The following CC2D2A variants were observed in gnomAD, a reference collection of about 807,000 sequenced individuals.
The protein encoded by CC2D2A is coiled-coil and C2 domain-containing protein 2A.
In CC2D2A, 155 loss-of-function variants were observed where a neutral mutation model predicts 212.9. The observed-to-expected ratio is 0.73, with a 90% CI of 0.64 to 0.83. CC2D2A has a LOEUF of 0.83. Among genes scored for constraint, CC2D2A ranks in the 40% least tolerant of loss-of-function variants. The probability of loss-of-function intolerance (pLI) is 0.00; values close to 1 mark genes in which losing one functional copy is unlikely to be tolerated. For synonymous variants in CC2D2A, 667 were observed against 686.5 expected (o/e 0.97, Z 0.44); for missense variants, 1,856 against 1,956.2 (o/e 0.95, Z 0.97).
chr4:15,510,058 G>C (rs968613721), intron 6 of CC2D2A, 81 bp from the exon 7 acceptor site: 1 of 999,842 alleles, frequency 1.0e-6, no homozygotes, highest in African/African-American at 1.6e-5. Context: ...CCTTTGGGAT[G>C]GGGGGGTTAA....
Position 15,563,537 on chromosome 4 carries a change from A to G in CC2D2A, c.3182+15A>G. The G allele has an allele frequency of 6.2e-7, 1 of 1,609,556 alleles. No homozygotes were observed. The highest frequency in any genetic ancestry group is 2.2e-5 in the East Asian group (1 of 44,640). On this transcript the variant is annotated intron_variant, in intron 24 of 36. Transcript: ENST00000424120. The stretch of plus-strand genomic sequence containing the variant: ...CCGGCAGTGAGGTGAGAGCCCTCCC[A>G]ACAGCCCGAGATGCAGTGTGCAGCA...
In CC2D2A at chr4:15,570,383, C is replaced by T. The variant is rs756695832; in HGVS notation, c.3496-15C>T. ...GGAGTTCTTAAGCAATTATTACTTC[C>T]CACCCTTCCTTTAGGATGACCGTGA... On this transcript the variant is annotated splice_polypyrimidine_tract_variant and intron_variant, in intron 27 of 36. Transcript: ENST00000424120. The T allele has an allele frequency of 2.6e-6, 4 of 1,520,734 alleles. No individual in the cohort carries two copies. Among genetic ancestry groups the T allele is most frequent in the Non-Finnish European group, 3.6e-6 (4 of 1,107,064 alleles). The allele number at this position is 1,520,734 out of a possible 1,614,324, so 94.2% of individuals were successfully genotyped here.
At chr4:15,597,910 T>C (rs978304740) in intron 35 of CC2D2A, among the ~76,000 whole-genome samples, 2 of 152,224 alleles carry the variant, frequency 1.3e-5, no homozygotes, top group Non-Finnish European at 2.9e-5. Context: ...GGTTTCACAA[T>C]GTGAAAACTG....
At chr4:15,580,459 G>A (rs1338833275) in intron 30 of CC2D2A, among the ~76,000 whole-genome samples, 5 of 151,984 alleles carry the variant, frequency 3.3e-5, no homozygotes, top group East Asian at 1.9e-4. Context: ...CCAACATGGC[G>A]AAACCCCATC....
chr4:15,480,307 G>A (rs866279433), intron 3 of CC2D2A, among the ~76,000 whole-genome samples: 1 of 152,096 alleles, frequency 6.6e-6, no homozygotes, highest in Middle Eastern at 3.4e-3. Context: ...ATTCTTGGGG[G>A]GTGTCCAAAG....
downstream of CC2D2A, chr4:15,601,556 T>C (rs753194836): frequency 4.9e-6 from 3 of 617,584 alleles, no homozygotes; most frequent in Non-Finnish European, 7.8e-6. Flanking sequence ...TTTCAAACTG[T>C]GCAAAGTGTT....
At chr4:15,474,247 G>A (rs1225189863) in intron 1 of CC2D2A, among the ~76,000 whole-genome samples, 1 of 152,160 alleles carries the variant, frequency 6.6e-6, no homozygotes, top group Non-Finnish European at 1.5e-5. Flanking sequence ...ACTGAAGAAA[G>A]TATCTCAAAA....
intron 4 of CC2D2A, chr4:15,481,806 C>G: frequency 1.0e-6 from 1 of 985,210 alleles, no homozygotes; most frequent in African/African-American, 1.7e-5. Context: ...ATTAAATATG[C>G]AGAAACTCAA....
intron 33 of CC2D2A, among the ~76,000 whole-genome samples, chr4:15,595,585 C>T (rs1184497959): frequency 1.3e-5 from 2 of 152,134 alleles, no homozygotes; most frequent in Non-Finnish European, 2.9e-5. Context: ...ATTAATCATC[C>T]AAGGTCACAC....
At chr4:15,475,110 C>T (rs753080541) in intron 1 of CC2D2A, among the ~76,000 whole-genome samples, 2 of 152,068 alleles carry the variant, frequency 1.3e-5, no homozygotes, top group African/African-American at 4.8e-5. Context: ...CCTGTCTCTA[C>T]TAAAAACACA....
At chr4:15,509,418 C>T (rs563222293) in intron 6 of CC2D2A, among the ~76,000 whole-genome samples, 10 of 151,902 alleles carry the variant, frequency 6.6e-5, no homozygotes, top group South Asian at 2.1e-4. Context: ...GGATTACAGG[C>T]GCCCGCCACC....
chr4:15,591,123 C>T (rs1270959676), intron 33 of CC2D2A, among the ~76,000 whole-genome samples: 1 of 152,054 alleles, frequency 6.6e-6, no homozygotes, highest in Non-Finnish European at 1.5e-5. Flanking sequence ...TATATATTTT[C>T]GTATCAATAT....
At chr4:15,551,189 A>C (rs2109050628) in intron 18 of CC2D2A, among the ~76,000 whole-genome samples, 1 of 152,358 alleles carries the variant, frequency 6.6e-6, no homozygotes, top group Non-Finnish European at 1.5e-5. Flanking sequence ...GCAACTATGA[A>C]GTAGTTTGGC....
intron 3 of CC2D2A, among the ~76,000 whole-genome samples, chr4:15,479,890 TG>T (rs1308001674): frequency 1.1e-4 from 16 of 152,234 alleles, no homozygotes; most frequent in African/African-American, 3.9e-4. Flanking sequence ...GGGGCAAGGA[TG>T]GAGAAGGGAA....
At chr4:15,548,114 A>G (rs2109046906) in intron 17 of CC2D2A, among the ~76,000 whole-genome samples, 1 of 142,954 alleles carries the variant, frequency 7.0e-6, no homozygotes, top group East Asian at 2.2e-4. Flanking sequence ...GATTGGGGAA[A>G]TTCTGGATTT....
At chr4:15,590,386 G>A (rs1398132201) in intron 33 of CC2D2A, among the ~76,000 whole-genome samples, 1 of 152,136 alleles carries the variant, frequency 6.6e-6, no homozygotes, top group Non-Finnish European at 1.5e-5. Flanking sequence ...ATGATGGTGT[G>A]ACTCTGTAAT....
At chr4:15,543,908 C>T (rs568283833) in intron 17 of CC2D2A, 67 of 152,316 alleles carry the variant, frequency 4.4e-4, no homozygotes, top group African/African-American at 1.5e-3. Flanking sequence ...AACTGGAAGA[C>T]CATTCAATTT....
At chr4:15,537,487 G>C (rs960568985) in intron 15 of CC2D2A, among the ~76,000 whole-genome samples, 1 of 152,092 alleles carries the variant, frequency 6.6e-6, no homozygotes, top group African/African-American at 2.4e-5. Context: ...ACAAAACTGA[G>C]TCCAAGGGCA....
intron 18 of CC2D2A, among the ~76,000 whole-genome samples, chr4:15,552,447 T>A (rs1035713918): frequency 1.3e-5 from 2 of 152,170 alleles, no homozygotes; most frequent in Non-Finnish European, 2.9e-5. Context: ...TGGCCACCCC[T>A]TCTAAAAGTT....
Sources: gnomAD v4.1 joint callset for allele counts (sites outside exome capture counted in the v4.1 genomes callset) on GRCh38, gnomAD v4.1.1 for gene constraint, MANE v1.5 for transcripts, NCBI Gene and HGNC (gene_info 2026-07-23, HGNC 2026-07-21) for gene names.